NCEH1: variants seen among roughly 807,000 people sequenced by gnomAD.
NCEH1 encodes neutral cholesterol ester hydrolase 1.
In NCEH1, 9 loss-of-function variants were observed where a neutral mutation model predicts 25.4. That is an observed-to-expected ratio of 0.35 (90% CI 0.21 to 0.62). The LOEUF (loss-of-function observed/expected upper bound fraction) is 0.62. NCEH1 is among the 20% of genes least tolerant of loss of function. NCEH1 has a pLI of 0.72. For missense variants in NCEH1, 412 were observed against 501.1 expected, an observed-to-expected ratio of 0.82 and a Z score of 1.70; for synonymous variants, 200 against 199.8, an observed-to-expected ratio of 1.00 and a Z score of -0.01.
At chr3:172,685,281 T>C (rs1430680904) in intron 1 of NCEH1, among the ~76,000 whole-genome samples, 1 of 152,188 alleles carries the variant, frequency 6.6e-6, no homozygotes. Flanking sequence ...AGTGAGACTC[T>C]ATCTCAACAA....
chr3:172,644,903 T>C (rs1349461979), intron 3 of NCEH1, among the ~76,000 whole-genome samples: 3 of 151,808 alleles, frequency 2.0e-5, no homozygotes, highest in Non-Finnish European at 4.4e-5. Context: ...TGGAGAGAAA[T>C]GAAACAGAGG....
intron 1 of NCEH1, among the ~76,000 whole-genome samples, chr3:172,673,289 A>G (rs1418463603): frequency 1.3e-5 from 2 of 152,116 alleles, no homozygotes; most frequent in Non-Finnish European, 1.5e-5. Context: ...AAATAATTTA[A>G]CTGTTTACAC....
chr3:172,678,303 T>C (rs1712130824), intron 1 of NCEH1, among the ~76,000 whole-genome samples: 1 of 152,200 alleles, frequency 6.6e-6, no homozygotes, highest in African/African-American at 2.4e-5. Flanking sequence ...AGTTTCAAGT[T>C]AATGCAGCTC....
chr3:172,638,090 T>A lies in NCEH1; in HGVS notation c.438-2003A>T, dbSNP rs530277078. ...TAAACATCTTGACATTCATTGTAGA[T>A]AAAATCAAATGGACAAATGTTTGTG... On this transcript the variant is annotated intron_variant, in intron 3 of 4. Transcript: ENST00000475381. Among the ~76,000 whole-genome samples, 49 of 152,156 alleles carry A rather than the reference T, an allele frequency of 3.2e-4. 1 individual carries two copies. The East Asian group carries it at 9.3e-3, about 29-fold the overall frequency.
intron 1 of NCEH1, among the ~76,000 whole-genome samples, chr3:172,653,949 G>C (rs149979630): frequency 1.1e-3 from 173 of 152,098 alleles, no homozygotes; most frequent in Non-Finnish European, 2.1e-3. Flanking sequence ...TAAAGACAAG[G>C]TTTCACTGTG....
At chr3:172,650,648 CAA>C (rs34027626) in intron 1 of NCEH1, among the ~76,000 whole-genome samples, 6 of 119,512 alleles carry the variant, frequency 5.0e-5, no homozygotes, top group Non-Finnish European at 5.2e-5. Context: ...GACTCCGTCT[CAA>C]AAAAAAAAAA....
chr3:172,701,663 A>C (rs2108537546), intron 1 of NCEH1, among the ~76,000 whole-genome samples: 1 of 127,928 alleles, frequency 7.8e-6, no homozygotes, highest in African/African-American at 3.1e-5. Context: ...ACTGGGTTTC[A>C]CCATACCGGC....
At chr3:172,658,932 C>T (rs1577065498) in intron 1 of NCEH1, among the ~76,000 whole-genome samples, 1 of 147,238 alleles carries the variant, frequency 6.8e-6, no homozygotes, top group Non-Finnish European at 1.5e-5. Flanking sequence ...CTCCAAAATC[C>T]TCCTATAGTC....
At chr3:172,638,156 G>C (rs138320044) in intron 3 of NCEH1, among the ~76,000 whole-genome samples, 3 of 151,124 alleles carry the variant, frequency 2.0e-5, no homozygotes, top group African/African-American at 7.3e-5. Context: ...TGGTCATTCC[G>C]GAATTACCAC....
intron 3 of NCEH1, among the ~76,000 whole-genome samples, chr3:172,645,286 A>T (rs561733834): frequency 6.6e-6 from 1 of 152,330 alleles, no homozygotes; most frequent in East Asian, 1.9e-4. Context: ...TCAGCTGTAG[A>T]AGAGATTCTC....
intron 1 of NCEH1, among the ~76,000 whole-genome samples, chr3:172,710,151 C>T (rs751023280): frequency 1.3e-5 from 2 of 152,202 alleles, no homozygotes; most frequent in South Asian, 4.1e-4. Context: ...CAGCCAAGGA[C>T]ATAAAATAAA....
At chr3:172,695,974 A>G (rs73173353) in intron 1 of NCEH1, among the ~76,000 whole-genome samples, 19,729 of 152,006 alleles carry the variant, frequency 0.13, 1,421 homozygotes, top group Non-Finnish European at 0.17. Context: ...AAAAAAGAAA[A>G]AGAAAAAGAA....
intron 1 of NCEH1, among the ~76,000 whole-genome samples, chr3:172,679,863 C>A (rs79949670): frequency 0.083 from 12,686 of 152,068 alleles, 677 homozygotes; most frequent in Non-Finnish European, 0.12. Context: ...TAGTGAACCA[C>A]CTTTGCATTT....
At chr3:172,658,780 G>A (rs1040909450) in intron 1 of NCEH1, among the ~76,000 whole-genome samples, 1 of 150,640 alleles carries the variant, frequency 6.6e-6, no homozygotes. Flanking sequence ...AACCTCTAGG[G>A]CTGCAGTTCA....
chr3:172,681,180 G>C (rs1712355848), intron 1 of NCEH1: 1 of 151,962 alleles, frequency 6.6e-6, no homozygotes, highest in South Asian at 2.1e-4. Context: ...GAGTGACACG[G>C]TGAGAATTTC....
intron 1 of NCEH1, 129 bp from the exon 2 acceptor site, chr3:172,648,243 C>T (rs1717218133): frequency 6.7e-6 from 7 of 1,049,266 alleles, no homozygotes; most frequent in Middle Eastern, 3.1e-4. Flanking sequence ...TCATTGAGCC[C>T]TTTTAATACA....
chr3:172,659,597 T>C (rs912710983), intron 1 of NCEH1, among the ~76,000 whole-genome samples: 1 of 152,230 alleles, frequency 6.6e-6, no homozygotes, highest in African/African-American at 2.4e-5. Context: ...ACACATTTTT[T>C]CATCCGTTGC....
intron 1 of NCEH1, among the ~76,000 whole-genome samples, chr3:172,696,111 G>A (rs1173613173): frequency 6.6e-6 from 1 of 152,120 alleles, no homozygotes; most frequent in Admixed American, 6.6e-5. Context: ...CAAGCACTGG[G>A]TTAAGAAACT....
In NCEH1 at chr3:172,633,460, G is replaced by C; in HGVS notation, c.*15C>G. 2 of 1,604,812 alleles carry C rather than the reference G, an allele frequency of 1.2e-6. No homozygotes were observed. The highest frequency in any genetic ancestry group is 1.7e-6 in the Non-Finnish European group (2 of 1,174,328). On this transcript the variant is annotated 3_prime_UTR_variant, in exon 5 of 5. Coordinates refer to ENST00000475381, the MANE Select transcript of NCEH1 (RefSeq NM_020792.6). ...AGGTCAAGAGGGGCTCGAGGCTTCT[G>C]GAAGTTTTGCTCCTTTACAGGTTTT...
Sources: gnomAD v4.1 joint callset for allele counts (sites outside exome capture counted in the v4.1 genomes callset) on GRCh38, gnomAD v4.1.1 for gene constraint, MANE v1.5 for transcripts, NCBI Gene and HGNC (gene_info 2026-07-23, HGNC 2026-07-21) for gene names.